MAPKAP1: variants seen among roughly 807,000 people sequenced by gnomAD.
The protein encoded by MAPKAP1 is MAPK associated protein 1.
In MAPKAP1, 20 loss-of-function variants were observed where a neutral mutation model predicts 65.7. The ratio of observed to expected loss-of-function variants is 0.30; its 90% confidence interval spans 0.21 to 0.44. MAPKAP1 has a LOEUF of 0.44. MAPKAP1 is among the 20% of genes least tolerant of loss of function. MAPKAP1 has a pLI of 1.00. For synonymous variants in MAPKAP1, 222 were observed against 244.3 expected, an observed-to-expected ratio of 0.91 and a Z score of 0.85; for missense variants, 423 against 648.0, an observed-to-expected ratio of 0.65 and a Z score of 3.77.
chr9:125,572,140 T>C (rs984517695), intron 5 of MAPKAP1, among the ~76,000 whole-genome samples: 3 of 152,220 alleles, frequency 2.0e-5, no homozygotes, highest in Non-Finnish European at 4.4e-5. Context: ...AACTAGTTAT[T>C]TTCCCAAGGC....
chr9:125,540,416 C>T (rs1240052506), intron 7 of MAPKAP1, among the ~76,000 whole-genome samples: 1 of 152,206 alleles, frequency 6.6e-6, no homozygotes, highest in African/African-American at 2.4e-5. Flanking sequence ...AGTTCACTGT[C>T]AGCCTATCAA....
chr9:125,508,160 T>G (rs1434116802), intron 7 of MAPKAP1, among the ~76,000 whole-genome samples: 1 of 152,144 alleles, frequency 6.6e-6, no homozygotes, highest in Non-Finnish European at 1.5e-5. Flanking sequence ...AGAGAATCCC[T>G]GTGTCTCTTG....
At position 125,447,248 on chromosome 9, in the gene MAPKAP1, A is replaced by T. The variant is rs1564513954; in HGVS notation, c.1346-2650T>A. 3 of 379,304 alleles carry T rather than the reference A, an allele frequency of 7.9e-6. No individual in the cohort carries two copies. Among genetic ancestry groups the T allele is most frequent in the East Asian group, 7.4e-5 (1 of 13,430 alleles). The allele number at this position is 379,304 out of a possible 1,614,324, so 23.5% of individuals were successfully genotyped here. On this transcript the variant is annotated intron_variant, in intron 10 of 11. Transcript: ENST00000265960. The surrounding 1 kb of genome is among the most constrained non-coding windows in gnomAD (Gnocchi z 4.5). The stretch of plus-strand genomic sequence containing the variant: ...CTGAGGAAGAGTGAAGCAGGTGAGG[A>T]GGAGGAAGAGTCCCAACATTCCCCC...
chr9:125,676,525 A>T (rs1368083195), intron 1 of MAPKAP1, among the ~76,000 whole-genome samples: 6 of 133,678 alleles, frequency 4.5e-5, no homozygotes, highest in Non-Finnish European at 1.6e-5. Flanking sequence ...CAGTCGCAAA[A>T]GGACAAGTAC....
intron 4 of MAPKAP1, among the ~76,000 whole-genome samples, chr9:125,646,014 G>C (rs896504441): frequency 6.6e-6 from 1 of 152,108 alleles, no homozygotes; most frequent in African/African-American, 2.4e-5. Context: ...ATTCAGTAAT[G>C]ATATCTTGAG....
intron 4 of MAPKAP1, among the ~76,000 whole-genome samples, chr9:125,593,021 G>C (rs1019759436): frequency 2.0e-5 from 3 of 151,704 alleles, no homozygotes; most frequent in Non-Finnish European, 4.4e-5. Context: ...TCAGGGCTGG[G>C]CATGGTGGCT....
intron 5 of MAPKAP1, among the ~76,000 whole-genome samples, chr9:125,577,747 G>A (rs1396554966): frequency 9.6e-5 from 13 of 136,050 alleles, no homozygotes; most frequent in African/African-American, 1.6e-4. Flanking sequence ...CTGCCTGGCC[G>A]CCCCTACTGG....
chr9:125,501,539 G>A (rs890137293), intron 8 of MAPKAP1, among the ~76,000 whole-genome samples: 2 of 152,080 alleles, frequency 1.3e-5, no homozygotes, highest in African/African-American at 4.8e-5. Context: ...ACAAATTGGA[G>A]GTTATAACCT....
In MAPKAP1 at chr9:125,447,770, G is replaced by A. The variant is rs2132936060; in HGVS notation, c.1346-3172C>T. ...AGGCAGAAGCACCTGGCCAGAGGTG[G>A]AGAAGAGCCACTAGGGACAGTTTCT... On this transcript the variant is annotated intron_variant, in intron 10 of 11. Transcript: ENST00000265960. The surrounding 1 kb of genome is among the most constrained non-coding windows in gnomAD (Gnocchi z 4.5). 6.6e-6 allele frequency among the ~76,000 whole-genome samples: 1 copy of A among 152,238 alleles called. No individual in the cohort carries two copies. Among genetic ancestry groups the A allele is most frequent in the East Asian group, 1.9e-4 (1 of 5,200 alleles).
At chr9:125,591,820 C>T (rs1401661141) in intron 4 of MAPKAP1, among the ~76,000 whole-genome samples, 1 of 152,036 alleles carries the variant, frequency 6.6e-6, no homozygotes, top group African/African-American at 2.4e-5. Flanking sequence ...AAAACGGTGA[C>T]CGAAGGATTA....
intron 9 of MAPKAP1, among the ~76,000 whole-genome samples, chr9:125,474,005 A>G (rs1255420907): frequency 6.6e-6 from 1 of 152,234 alleles, no homozygotes; most frequent in East Asian, 1.9e-4. Context: ...ATTGTGCCTG[A>G]TACATAGCTA....
At chr9:125,440,630 GC>G (rs1852444659) in intron 11 of MAPKAP1, among the ~76,000 whole-genome samples, 1 of 152,126 alleles carries the variant, frequency 6.6e-6, no homozygotes, top group African/African-American at 2.4e-5. Context: ...GATGGCCGAG[GC>G]TTCAACACTG....
intron 7 of MAPKAP1, among the ~76,000 whole-genome samples, chr9:125,519,509 G>T (rs1363457256): frequency 6.6e-6 from 1 of 151,828 alleles, no homozygotes; most frequent in African/African-American, 2.4e-5. Flanking sequence ...GCACACACTT[G>T]TCTTAGCTGC....
intron 7 of MAPKAP1, among the ~76,000 whole-genome samples, chr9:125,539,902 A>G (rs1325329796): frequency 6.6e-6 from 1 of 152,278 alleles, no homozygotes; most frequent in East Asian, 1.9e-4. Flanking sequence ...ACATTTAAAA[A>G]TAGGCATAAA....
chr9:125,461,832 C>T (rs567444992), intron 10 of MAPKAP1, among the ~76,000 whole-genome samples: 1 of 152,274 alleles, frequency 6.6e-6, no homozygotes, highest in Non-Finnish European at 1.5e-5. Context: ...TGGACAGAGC[C>T]TGAGGAAGGG....
intron 1 of MAPKAP1, among the ~76,000 whole-genome samples, chr9:125,700,702 C>T (rs560887347): frequency 6.6e-6 from 1 of 152,196 alleles, no homozygotes; most frequent in Non-Finnish European, 1.5e-5. Flanking sequence ...TGAATGACTG[C>T]TCAGGATTTA....
At chr9:125,515,833 G>A (rs1829444321) in intron 7 of MAPKAP1, among the ~76,000 whole-genome samples, 1 of 152,182 alleles carries the variant, frequency 6.6e-6, no homozygotes, top group South Asian at 2.1e-4. Flanking sequence ...GGGCTTCAGT[G>A]TTTAAACAAC....
chr9:125,442,128 CAA>C (rs71492449), intron 11 of MAPKAP1, among the ~76,000 whole-genome samples: 13 of 38,742 alleles, frequency 3.4e-4, no homozygotes, highest in African/African-American at 9.5e-4. Flanking sequence ...GACTCTGTCT[CAA>C]AAAAAAAAAA....
chr9:125,603,460 G>A (rs1359283370), intron 4 of MAPKAP1, among the ~76,000 whole-genome samples: 1 of 152,190 alleles, frequency 6.6e-6, no homozygotes, highest in Non-Finnish European at 1.5e-5. Flanking sequence ...AGCAAAGGGT[G>A]TGAGGAGACA....
Sources: allele counts gnomAD v4.1 joint callset (sites outside exome capture counted in the v4.1 genomes callset), GRCh38; gene constraint gnomAD v4.1.1; non-coding constraint Gnocchi (gnomAD v3.1); transcripts MANE v1.5; gene names NCBI Gene and HGNC (gene_info 2026-07-23, HGNC 2026-07-21).